Variants in TTLL13 observed in about 807,000 individuals in gnomAD.
TTLL13 encodes tubulin polyglutamylase TTLL13.
At chr15:90,254,091 A>G in the TTLL13 span, among the ~76,000 whole-genome samples, 10 of 152,154 alleles carry the variant, frequency 6.6e-5, no homozygotes, top group African/African-American at 2.2e-4. Context: ...AGGTGGATCA[A>G]TTCAGGTCAG....
the TTLL13 span, chr15:90,258,165 C>G: frequency 6.2e-7 from 1 of 1,614,228 alleles, no homozygotes; most frequent in South Asian, 1.1e-5. Context: ...CCACAACTAC[C>G]GAACCTGTTT....
the TTLL13 span, chr15:90,253,344 G>T: frequency 1.2e-6 from 2 of 1,613,202 alleles, no homozygotes; most frequent in East Asian, 4.5e-5. Flanking sequence ...ACTGGAACGA[G>T]TCATGGACAT....
chr15:90,265,202 C>T, the TTLL13 span: 1 of 1,346,932 alleles, frequency 7.4e-7, no homozygotes, highest in African/African-American at 1.5e-5. Flanking sequence ...GCCATGTACT[C>T]ATTTCTGCTC....
At chr15:90,257,090 G>A in the TTLL13 span, 1 of 1,569,700 alleles carries the variant, frequency 6.4e-7, no homozygotes, top group Non-Finnish European at 8.7e-7. Context: ...GCACATAGTA[G>A]GCACTTCAAA....
At chr15:90,264,933 C>T in the TTLL13 span, 11 of 1,536,038 alleles carry the variant, frequency 7.2e-6, no homozygotes, top group Non-Finnish European at 9.6e-6. Flanking sequence ...CTGCAGCGTT[C>T]CAGAGCACTC....
At chr15:90,258,915 C>T in the TTLL13 span, 1 of 1,614,158 alleles carries the variant, frequency 6.2e-7, no homozygotes, top group Non-Finnish European at 8.5e-7. Flanking sequence ...TACCGACAGC[C>T]ACGAGAATCT....
the TTLL13 span, chr15:90,253,120 G>C: frequency 5.0e-6 from 3 of 599,044 alleles, no homozygotes; most frequent in Non-Finnish European, 6.0e-6. Flanking sequence ...GTACAGGGCT[G>C]AGGCAAGAAC....
At chr15:90,257,726 C>G in the TTLL13 span, 1 of 1,613,474 alleles carries the variant, frequency 6.2e-7, no homozygotes. Context: ...GTAAGAGGTA[C>G]TCCCTACTCT....
the TTLL13 span, among the ~76,000 whole-genome samples, chr15:90,253,065 C>T: frequency 6.6e-6 from 1 of 152,094 alleles, no homozygotes; most frequent in South Asian, 2.1e-4. Context: ...TTTGGAAGGG[C>T]CCTGACAGCC....
the TTLL13 span, among the ~76,000 whole-genome samples, chr15:90,256,545 T>TTTTCTTTCTTTCTTTC: frequency 1.6e-3 from 174 of 105,476 alleles, 2 homozygotes; most frequent in Middle Eastern, 4.7e-3. Flanking sequence ...TCTCCTTCCT[T>TTTTCTTTCTTTCTTTC]TTTCTTTCTT....
the TTLL13 span, chr15:90,257,121 G>C: frequency 6.2e-7 from 1 of 1,609,698 alleles, no homozygotes; most frequent in South Asian, 1.1e-5. Context: ...TTCCCTCATG[G>C]GTTTGCATGC....
chr15:90,258,066 C>T, the TTLL13 span: 1 of 1,614,184 alleles, frequency 6.2e-7, no homozygotes, highest in Non-Finnish European at 8.5e-7. Flanking sequence ...CATCTGGCTG[C>T]AAGAGCACAG....
At chr15:90,259,787 G>A in the TTLL13 span, among the ~76,000 whole-genome samples, 35 of 152,300 alleles carry the variant, frequency 2.3e-4, no homozygotes, top group East Asian at 5.2e-3. Context: ...ATAGAGAATC[G>A]TTTACATCCG....
At chr15:90,258,074 C>A in the TTLL13 span, 4 of 1,614,220 alleles carry the variant, frequency 2.5e-6, no homozygotes, top group Non-Finnish European at 3.4e-6. Context: ...TGCAAGAGCA[C>A]AGCTACAACC....
At chr15:90,263,908 A>C in the TTLL13 span, 3 of 1,341,658 alleles carry the variant, frequency 2.2e-6, no homozygotes, top group Non-Finnish European at 3.1e-6. Flanking sequence ...GCCAAGCATG[A>C]ATGCTGCAAT....
the TTLL13 span, chr15:90,263,652 G>A: frequency 6.6e-6 from 4 of 605,136 alleles, no homozygotes; most frequent in Non-Finnish European, 1.2e-5. Context: ...CCGCGGCCTA[G>A]AAGAGATTTT....
At chr15:90,253,417 A>T in the TTLL13 span, 1 of 1,420,710 alleles carries the variant, frequency 7.0e-7, no homozygotes, top group Non-Finnish European at 9.8e-7. Context: ...CCCCAGAATG[A>T]CTATTCCCAC....
At chr15:90,262,201 C>G in the TTLL13 span, 1 of 1,522,868 alleles carries the variant, frequency 6.6e-7, no homozygotes, top group Non-Finnish European at 8.8e-7. Flanking sequence ...GGTACTTTGA[C>G]CGACATTCTC....
chr15:90,262,344 T>C, the TTLL13 span: 2 of 1,133,262 alleles, frequency 1.8e-6, no homozygotes, highest in Admixed American at 5.9e-5. Flanking sequence ...TTCAGTTTAG[T>C]AGGTTTCCTA....
Sources: allele counts gnomAD v4.1 joint callset (sites outside exome capture counted in the v4.1 genomes callset), GRCh38; gene constraint gnomAD v4.1.1; transcripts MANE v1.5; gene names NCBI Gene and HGNC (gene_info 2026-07-23, HGNC 2026-07-21).